SART3: variants seen among roughly 807,000 people sequenced by gnomAD.
SART3 encodes the protein HIV-1 Tat-interacting protein of 110kDa.
In SART3, 44 loss-of-function variants were observed where a neutral mutation model predicts 122.3. That is an observed-to-expected ratio of 0.36 (90% CI 0.28 to 0.46). The LOEUF (loss-of-function observed/expected upper bound fraction) is 0.46, where lower values mean the gene tolerates loss of function less well. Ranked by LOEUF, SART3 falls within the 20% of genes least tolerant of loss-of-function variation. The pLI is 1.00. For missense variants in SART3, 1,101 were observed against 1,229.0 expected (o/e 0.90, Z 1.56); for synonymous variants, 442 against 454.0 (o/e 0.97, Z 0.34).
At position 108,561,143 on chromosome 12, in the gene SART3, C is replaced by A. The variant is rs563795962; in HGVS notation, c.12G>T (p.Ala4=). 63 of 1,613,190 alleles carry A rather than the reference C, an allele frequency of 3.9e-5. No individual in the cohort carries two copies. Among genetic ancestry groups the A allele is most frequent in the Non-Finnish European group, 5.3e-5 (62 of 1,179,278 alleles). Reference sequence around the variant, plus strand: ...CGGGTTCTGAAGCCGAGGTTTCGGCCGCAGTCGCCATCTTGCGCTTCTAAT... The same window carrying A: ...CGGGTTCTGAAGCCGAGGTTTCGGCAGCAGTCGCCATCTTGCGCTTCTAAT... The part of the protein sequence containing the change: MAT[A]AETSASEPEA... The change falls in exon 1 of 19, where the codon GCG becomes GCT. Residue 4 remains alanine, a synonymous_variant. Transcript: ENST00000546815.
chr12:108,549,473 G>A, intron 1 of SART3: 1 of 461,326 alleles, frequency 2.2e-6, no homozygotes, highest in South Asian at 2.3e-5. Context: ...GGAAATAAAG[G>A]AGGCATTCTA....
chr12:108,538,703 G>T (rs4964720), intron 7 of SART3, among the ~76,000 whole-genome samples: 120,056 of 152,104 alleles, frequency 0.79, 47,958 homozygotes, highest in East Asian at 0.92. Context: ...AAAATATCAA[G>T]TTGTTATAAG....
chr12:108,525,730 A>C (rs1331786096), intron 16 of SART3, 121 bp from the exon 17 acceptor site: 12 of 1,045,204 alleles, frequency 1.1e-5, no homozygotes, highest in Non-Finnish European at 1.6e-5. Context: ...GAGCCAAGCC[A>C]TGCTCTGAAA....
chr12:108,538,307 A>AT, intron 7 of SART3, 104 bp from the exon 8 acceptor site: 1 of 1,356,458 alleles, frequency 7.4e-7, no homozygotes, highest in South Asian at 1.2e-5. Context: ...TGTCCTTATA[A>AT]ACATCTCTTG....
Position 108,536,551 on chromosome 12 carries a change from G to A in SART3, c.1409C>T (p.Pro470Leu), listed in dbSNP as rs1179509275. The A allele has an allele frequency of 1.2e-6, 2 of 1,614,132 alleles. No homozygotes were observed. ...VEERFNESGD[P>L]SCVIMQNWAR... The stretch of plus-strand genomic sequence containing the variant: ...CCAGTTCTGCATAATCACGCAGCTT[G>A]GATCACCACTCTCATTGAAACCTTC... The change falls in exon 11 of 19, where the codon CCA becomes CTA. Residue 470 changes from proline to leucine, a missense_variant. Coordinates refer to ENST00000546815, the MANE Select transcript of SART3 (RefSeq NM_014706.4).
In SART3 at chr12:108,544,326, C is replaced by T. The variant is rs1873305952; in HGVS notation, c.781+101G>A. The T allele has an allele frequency of 2.4e-5, 25 of 1,025,048 alleles. No homozygotes were observed. In the South Asian group the frequency reaches 3.0e-4, roughly 12 times the overall value. The allele number at this position is 1,025,048 out of a possible 1,614,324, so 63.5% of individuals were successfully genotyped here. A position where few individuals can be genotyped will look rare whatever the true frequency, so the allele number is the denominator to read the frequency against. On this transcript the variant is annotated intron_variant, in intron 5 of 18. Transcript: ENST00000546815. ...AAGGAGAGTAAGAACACCAGCTTTA[C>T]CTGCCTCACAGGATGGTGGGAAAGG...
chr12:108,559,018 GCAAGACTCCGTCT>G (rs1292832955), intron 1 of SART3, among the ~76,000 whole-genome samples: 1 of 115,186 alleles, frequency 8.7e-6, no homozygotes, highest in African/African-American at 3.3e-5. Context: ...GGGCCACAGA[GCAAGACTCCGTCT>G]CAAAAAAGAA....
chr12:108,529,242 T>C lies in SART3; in HGVS notation c.1915+900A>G, dbSNP rs76430102. ...TGGTGTGAAATCATGACTTTCAGTA[T>C]ATACAAATAGTTACACAAGTAAATA... On this transcript the variant is annotated intron_variant, in intron 15 of 18. Coordinates refer to ENST00000546815, the MANE Select transcript of SART3 (RefSeq NM_014706.4). 2.9e-3 allele frequency among the ~76,000 whole-genome samples: 440 copies of C among 152,350 alleles called. 1 individual carries two copies. Among genetic ancestry groups the C allele is most frequent in the Middle Eastern group, 0.017 (5 of 294 alleles).
intron 4 of SART3, 88 bp from the exon 5 acceptor site, chr12:108,544,566 G>C: frequency 1.3e-6 from 2 of 1,583,916 alleles, no homozygotes; most frequent in Non-Finnish European, 1.7e-6. Context: ...ATGACAAACT[G>C]TGGTTCTTTC....
In SART3 at chr12:108,560,885, C is replaced by A. The variant is rs748204090; in HGVS notation, c.270G>T (p.Glu90Asp). The A allele has an allele frequency of 1.0e-5, 16 of 1,608,008 alleles. No homozygotes were observed. The East Asian group carries it at 3.4e-4, about 34-fold the overall frequency. Residue 90 changes from glutamate to aspartate, a missense_variant, in exon 1 of 19, where the codon GAG (glutamate) becomes GAT (aspartate). Coordinates refer to ENST00000546815, the MANE Select transcript of SART3 (RefSeq NM_014706.4). Reference sequence around the variant, plus strand: ...CAATCTCCAGCTGGTTTTTCTCCTCCTCTTCGTCATATTCCCACTCGTACT... The same window carrying A: ...CAATCTCCAGCTGGTTTTTCTCCTCATCTTCGTCATATTCCCACTCGTACT... Reference protein sequence around the residue: ...PGEYEWEYDEEEEKNQLEIER... With the variant: ...PGEYEWEYDEDEEKNQLEIER...
intron 1 of SART3, among the ~76,000 whole-genome samples, chr12:108,553,362 G>C (rs968511711): frequency 3.3e-5 from 5 of 152,148 alleles, no homozygotes; most frequent in Admixed American, 3.3e-4. Context: ...ATCATTGAGG[G>C]AAACTGGGTA....
In SART3 at chr12:108,546,232, T is replaced by C. The variant is rs928265110; in HGVS notation, c.545-909A>G. Among the ~76,000 whole-genome samples, 7 of 152,078 alleles carry C rather than the reference T, an allele frequency of 4.6e-5. No homozygotes were observed. The South Asian group carries it at 1.5e-3, about 32-fold the overall frequency. On this transcript the variant is annotated intron_variant, in intron 3 of 18. Coordinates refer to ENST00000546815, the MANE Select transcript of SART3 (RefSeq NM_014706.4). ...GTTTGTTTGTTGAGACACAGTCTCG[T>C]TCTGTCGCCCAGGCTAGCGTGCAGA...
At chr12:108,541,684 G>A (rs12367378) in intron 6 of SART3, among the ~76,000 whole-genome samples, 81,809 of 151,230 alleles carry the variant, frequency 0.54, 23,850 homozygotes, top group Non-Finnish European at 0.66. Context: ...GATTACAGGC[G>A]CCCGCCACCA....
rs756423345 is a variant in SART3 at position 108,547,996 on chromosome 12, G to A, written c.440-5C>T. The A allele has an allele frequency of 1.9e-5, 31 of 1,611,710 alleles. No homozygotes were observed. The highest frequency in any genetic ancestry group is 2.7e-5 in the African/African-American group (2 of 75,032). On this transcript the variant is annotated splice_polypyrimidine_tract_variant and splice_region_variant and intron_variant, in intron 2 of 18. Coordinates refer to ENST00000546815, the MANE Select transcript of SART3 (RefSeq NM_014706.4). ...GCAGCCACTCCAGCCAGAGCTCTAC[G>A]AGACAAAAATACTTCCCGCATTAAT... is the stretch of plus-strand genomic sequence containing the variant.
At chr12:108,523,741 G>A in intron 18 of SART3, 107 bp from the exon 19 acceptor site, 2 of 889,482 alleles carry the variant, frequency 2.2e-6, no homozygotes, top group Admixed American at 2.6e-5. Context: ...AAGTTAAAAG[G>A]TGAAAAAAAA....
In SART3 at chr12:108,537,536, A is replaced by T. The variant is rs1872969424; in HGVS notation, c.1261T>A (p.Trp421Arg). 2.5e-6 allele frequency: 4 copies of T among 1,614,050 alleles called. No individual in the cohort carries two copies. The highest frequency in any genetic ancestry group is 3.4e-6 in the Non-Finnish European group (4 of 1,179,990). ...CTCAGGTAATCAAGGTATGCCTGCC[A>T]AATCTCCACATAATCAGTGGCCTGG... is the stretch of plus-strand genomic sequence containing the variant. The part of the protein sequence containing the change: ...FIQATDYVEI[W>R]QAYLDYLRRR... Residue 421 changes from tryptophan to arginine, a missense_variant, in exon 9 of 19, where the codon TGG becomes AGG. Physicochemically the swap from Trp to Arg is moderately radical, Grantham distance 101 (BLOSUM62 -3). Transcript: ENST00000546815.
intron 17 of SART3, chr12:108,524,861 TG>T (rs1383157910): frequency 3.0e-5 from 11 of 370,272 alleles, no homozygotes; most frequent in Non-Finnish European, 5.6e-5. Context: ...GCAGCCCAGG[TG>T]CCCAGGTGAG....
intron 1 of SART3, among the ~76,000 whole-genome samples, chr12:108,555,169 T>C (rs1357525206): frequency 6.6e-6 from 1 of 152,190 alleles, no homozygotes. Flanking sequence ...TACTGAACCA[T>C]ACACTTAAGA....
chr12:108,531,975 TC>T (rs1157400401), intron 13 of SART3: 4 of 481,488 alleles, frequency 8.3e-6, no homozygotes, highest in Admixed American at 3.1e-5. Context: ...TAACGCACAG[TC>T]CCCCCCACAG....
Sources: allele counts gnomAD v4.1 joint callset (sites outside exome capture counted in the v4.1 genomes callset), GRCh38; gene constraint gnomAD v4.1.1; transcripts MANE v1.5; gene names NCBI Gene and HGNC (gene_info 2026-07-23, HGNC 2026-07-21).